UCKL1: variants seen among roughly 807,000 people sequenced by gnomAD.
UCKL1 encodes uridine-cytidine kinase 1 like 1, also known as uridine-cytidine kinase-like 1.
Under a neutral mutation model 59.2 loss-of-function variants are expected in UCKL1, and 65 were observed. The ratio of observed to expected loss-of-function variants is 1.10; its 90% CI spans 0.90 to 1.35. The LOEUF (loss-of-function observed/expected upper bound fraction) is 1.35, where lower values mean the gene tolerates loss of function less well. Ranked by LOEUF, UCKL1 falls within the 40% of genes most tolerant of loss-of-function variation. UCKL1 has a pLI of 0.00. For synonymous variants in UCKL1, 410 were observed against 323.1 expected (o/e 1.27, Z -2.88); for missense variants, 703 against 784.3 (o/e 0.90, Z 1.24).
chr20:63,948,320 G>A (rs150292495), intron 1 of UCKL1: 2,282 of 152,158 alleles, frequency 0.015, 38 homozygotes, highest in Middle Eastern at 0.024. Context: ...CCGCCTCTTT[G>A]TAGCTTCCTG....
Position 63,941,932 on chromosome 20 carries a change from G to A in UCKL1, c.924-724C>T, listed in dbSNP as rs535717669. Among the ~76,000 whole-genome samples the A allele has an allele frequency of 3.3e-5, 5 of 151,540 alleles. No individual in the cohort carries two copies. The South Asian group carries it at 1.0e-3, about 32-fold the overall frequency. On this transcript the variant is annotated intron_variant, in intron 8 of 14. Transcript: ENST00000354216. ...CAGGCCACAGAATTGGGTGTGGCAGGGGAAGGAAAGAGGCAGGGCACGGAA... is the reference window on the plus strand; with the variant it reads ...CAGGCCACAGAATTGGGTGTGGCAGAGGAAGGAAAGAGGCAGGGCACGGAA...
At chr20:63,946,429 G>A in intron 2 of UCKL1, 24 bp downstream of exon 2, 2 of 1,527,882 alleles carry the variant, frequency 1.3e-6, no homozygotes, top group Non-Finnish European at 1.8e-6. Context: ...CCGGCAGCAG[G>A]TCCCACCCCC....
intron 5 of UCKL1, 126 bp from the exon 6 acceptor site, chr20:63,944,860 CTGGCAGG>C: frequency 8.0e-7 from 1 of 1,242,854 alleles, no homozygotes; most frequent in Non-Finnish European, 1.1e-6. Context: ...CCAGGGCACC[CTGGCAGG>C]TGGGGAGGAG....
chr20:63,940,721 G>A lies in UCKL1; in HGVS notation c.1180-5C>T, dbSNP rs372574800. ...CAGAATGGACACACCGGTGATCTGC[G>A]GGGAGGGGAGGCTAAGCGCCCACAT... On this transcript the variant is annotated splice_polypyrimidine_tract_variant and splice_region_variant and intron_variant, in intron 11 of 14. Transcript: ENST00000354216. 1.9e-5 allele frequency: 30 copies of A among 1,607,088 alleles called. No homozygotes were observed. Among genetic ancestry groups the A allele is most frequent in the African/African-American group, 4.0e-5 (3 of 74,848 alleles).
rs777423523 is a variant in UCKL1, at chr20:63,945,771, C to A, written c.582+34G>T. 3.1e-6 allele frequency: 5 copies of A among 1,612,694 alleles called. No homozygotes were observed. In the Admixed American group the frequency reaches 8.3e-5, roughly 27 times the overall value. ...GGAGCCTGGCTCATGTGCCTGCAGC[C>A]CCCCGAGGCCCCCTCTGCAGGGCCC... On this transcript the variant is annotated intron_variant, in intron 4 of 14. Transcript: ENST00000354216.
intron 1 of UCKL1, 160 bp downstream of exon 1, chr20:63,956,100 G>C: frequency 1.5e-6 from 1 of 649,196 alleles, no homozygotes. Flanking sequence ...CTTCAAGCCC[G>C]CGGGGTTCCA....
intron 1 of UCKL1, among the ~76,000 whole-genome samples, chr20:63,947,714 A>AGTGCTGC (rs1445140790): frequency 1.3e-5 from 2 of 152,244 alleles, no homozygotes; most frequent in African/African-American, 4.8e-5. Flanking sequence ...CATCTGGCAA[A>AGTGCTGC]CACCAGAGAG....
At chr20:63,941,725 G>A (rs976289558) in intron 8 of UCKL1, 6 of 209,980 alleles carry the variant, frequency 2.9e-5, no homozygotes, top group Non-Finnish European at 5.2e-5. Context: ...GTCCCGCCCC[G>A]CTGCCCAAGC....
At chr20:63,955,925 C>T (rs1310507414) in intron 1 of UCKL1, 1 of 207,404 alleles carries the variant, frequency 4.8e-6, no homozygotes. Flanking sequence ...ACAACATAGA[C>T]CAACTCGCAC....
chr20:63,946,249 G>A lies in UCKL1; in HGVS notation c.323C>T (p.Ala108Val). The A allele has an allele frequency of 6.3e-7, 1 of 1,599,398 alleles. No homozygotes were observed. The highest frequency in any genetic ancestry group is 8.5e-7 in the Non-Finnish European group (1 of 1,173,840). The change falls in exon 3 of 15, where the codon GCC becomes GTC. Residue 108 changes from alanine to valine, a missense_variant. By Grantham distance (64) the Ala-to-Val change is moderately conservative (BLOSUM62 0). Transcript: ENST00000354216. ...AFAIGLGGGS[A>V]SGKTTVARMI... ...TCTGGCCACAGTGGTCTTCCCAGAG[G>A]CACTGCCGCCTCCCAAGCCTGCCGG...
At chr20:63,946,994 G>A (rs1331952355) in intron 1 of UCKL1, among the ~76,000 whole-genome samples, 1 of 152,040 alleles carries the variant, frequency 6.6e-6, no homozygotes, top group African/African-American at 2.4e-5. Flanking sequence ...TGAGGCAGGA[G>A]AATGGCTTGA....
intron 8 of UCKL1, chr20:63,942,863 C>T (rs1057145902): frequency 5.2e-6 from 2 of 386,638 alleles, no homozygotes; most frequent in African/African-American, 2.1e-5. Context: ...GTTCCTAGGC[C>T]GAGGAGAGGG....
chr20:63,942,573 A>G, intron 8 of UCKL1: 1 of 930,754 alleles, frequency 1.1e-6, no homozygotes, highest in South Asian at 1.6e-5. Flanking sequence ...GAACAAAGAG[A>G]AGGCTGCTTA....
At chr20:63,950,458 T>C (rs1450085516) in intron 1 of UCKL1, among the ~76,000 whole-genome samples, 2 of 152,160 alleles carry the variant, frequency 1.3e-5, no homozygotes, top group African/African-American at 2.4e-5. Context: ...AGGAGAAAGT[T>C]GCACAGCAAA....
chr20:63,943,941 A>ACTCAGGCT (rs1378990516), intron 7 of UCKL1, among the ~76,000 whole-genome samples: 1 of 152,140 alleles, frequency 6.6e-6, no homozygotes, highest in Non-Finnish European at 1.5e-5. Context: ...GTTCAGAGCC[A>ACTCAGGCT]CTCAGGCTCC....
rs772335925 is a variant in UCKL1 at position 63,943,667 on chromosome 20, A to T, written c.909T>A (p.Arg303=). 5 of 1,612,716 alleles carry T rather than the reference A, an allele frequency of 3.1e-6. No homozygotes were observed. In the East Asian group the frequency reaches 1.1e-4, roughly 36 times the overall value. The part of the protein sequence containing the change: ...VQHVHSQLEE[R]ELSVRAALAS... Reference sequence around the variant, plus strand: ...GCAAGTCTTACCTGACGCTGAGTTCACGCTGTGGCAGCAACACAGGAAGAC... The same window carrying T: ...GCAAGTCTTACCTGACGCTGAGTTCTCGCTGTGGCAGCAACACAGGAAGAC... Residue 303 remains arginine (R), a splice_region_variant and synonymous_variant, in exon 8 of 15, where the codon CGT becomes CGA. Transcript: ENST00000354216.
At position 63,940,578 on chromosome 20, in the gene UCKL1, G is replaced by T. The variant is rs754718761; in HGVS notation, c.1302+16C>A. The T allele has an allele frequency of 6.2e-7, 1 of 1,606,398 alleles. No homozygotes were observed. The highest frequency in any genetic ancestry group is 8.5e-7 in the Non-Finnish European group (1 of 1,179,450). On this transcript the variant is annotated intron_variant, in intron 12 of 14. Coordinates refer to ENST00000354216, the MANE Select transcript of UCKL1 (RefSeq NM_017859.4). ...CCCCTACCCCCGGGCTCATCACCCC[G>T]GCTGCCCCCAGGCACCTCGGGCTCC...
chr20:63,945,951 G>C lies in UCKL1; in HGVS notation c.436C>G (p.Gln146Glu), dbSNP rs1253069179. 1.2e-6 allele frequency: 2 copies of C among 1,613,734 alleles called. No individual in the cohort carries two copies. Among genetic ancestry groups the C allele is most frequent in the Non-Finnish European group, 1.7e-6 (2 of 1,179,994 alleles). ...YKVLTEQQQE[Q>E]AAHNNFNFDH... ...AAGTTGAAGTTGTTGTGTGCGGCCTGTTCCTGCTGCTGCTCAGTCAGCACC... is the reference window on the plus strand; with the variant it reads ...AAGTTGAAGTTGTTGTGTGCGGCCTCTTCCTGCTGCTGCTCAGTCAGCACC... Residue 146 changes from glutamine (Q) to glutamate (E), a missense_variant, in exon 4 of 15, where the codon CAG (glutamine) becomes GAG (glutamate). Coordinates refer to ENST00000354216, the MANE Select transcript of UCKL1 (RefSeq NM_017859.4).
Position 63,940,227 on chromosome 20 carries a change from G to A in UCKL1, c.1490C>T (p.Ala497Val), listed in dbSNP as rs764174704. The change falls in exon 14 of 15, where the codon GCA becomes GTA. Residue 497 changes from alanine to valine, a missense_variant. Transcript: ENST00000354216. ...GGTGATGATTCTCACTCGCGGAAATGCATAGGCCACTGAGTGCACGCCCAT... is the reference window on the plus strand; with the variant it reads ...GGTGATGATTCTCACTCGCGGAAATACATAGGCCACTGAGTGCACGCCCAT... Reference protein sequence around the residue: ...AEMGVHSVAYAFPRVRIITTA... With the variant: ...AEMGVHSVAYVFPRVRIITTA... 1 of 1,612,802 alleles carries A rather than the reference G, an allele frequency of 6.2e-7. No homozygotes were observed.
Sources: gnomAD v4.1 joint callset for allele counts (sites outside exome capture counted in the v4.1 genomes callset) on GRCh38, gnomAD v4.1.1 for gene constraint, MANE v1.5 for transcripts, NCBI Gene and HGNC (gene_info 2026-07-23, HGNC 2026-07-21) for gene names.